SLC32A1: variants seen among roughly 807,000 people sequenced by gnomAD.
SLC32A1 encodes vesicular inhibitory amino acid transporter.
A neutral mutation model predicts 35.5 loss-of-function variants in SLC32A1; 8 were observed. The ratio of observed to expected loss-of-function variants is 0.23; its 90% CI spans 0.13 to 0.41. The LOEUF (loss-of-function observed/expected upper bound fraction) is 0.41. Ranked by LOEUF, SLC32A1 falls within the 10% of genes least tolerant of loss-of-function variation. The probability of loss-of-function intolerance (pLI) is 1.00; values close to 1 mark genes in which losing one functional copy is unlikely to be tolerated. For missense variants in SLC32A1, 493 were observed against 722.3 expected, an observed-to-expected ratio of 0.68 and a Z score of 3.64; for synonymous variants, 317 against 326.3, an observed-to-expected ratio of 0.97 and a Z score of 0.31.
rs558884894 is a variant in SLC32A1, at chr20:38,724,516, G to C, written c.-209G>C. The stretch of plus-strand genomic sequence containing the variant: ...ACTAGCCACCACCGCCGCCGCCGCC[G>C]CTCCGCCAGACCTGCTGCCAGCTTG... On this transcript the variant is annotated 5_prime_UTR_variant, in exon 1 of 2. Coordinates refer to ENST00000217420, the MANE Select transcript of SLC32A1 (RefSeq NM_080552.3). The C allele has an allele frequency of 1.6e-6, 1 of 610,642 alleles. No individual in the cohort carries two copies. The highest frequency in any genetic ancestry group is 3.3e-5 in the East Asian group (1 of 29,872). The allele number at this position is 610,642 out of a possible 1,614,324, so 37.8% of individuals were successfully genotyped here.
rs776361290 is a variant in SLC32A1, at chr20:38,728,106, G to A, written c.1045G>A (p.Val349Met). The change falls in exon 2 of 2, where the codon GTG becomes ATG. Residue 349 changes from valine (V) to methionine (M), a missense_variant. Transcript: ENST00000217420. ...MMNWTHIAAC[V>M]LKGLFALVAY... ...GAACTGGACGCACATCGCAGCCTGC[G>A]TGCTCAAGGGCCTCTTCGCGCTCGT... 2.5e-6 allele frequency: 4 copies of A among 1,613,954 alleles called. No homozygotes were observed. The highest frequency in any genetic ancestry group is 1.7e-5 in the Admixed American group (1 of 60,014).
At position 38,724,548 on chromosome 20, in the gene SLC32A1, C is replaced by A; in HGVS notation, c.-177C>A. The A allele has an allele frequency of 2.5e-6, 2 of 794,410 alleles. No individual in the cohort carries two copies. The highest frequency in any genetic ancestry group is 3.9e-6 in the Non-Finnish European group (2 of 519,000). The allele number at this position is 794,410 out of a possible 1,614,324, so 49.2% of individuals were successfully genotyped here. The stretch of plus-strand genomic sequence containing the variant: ...CAGACCTGCTGCCAGCTTGCCCGGT[C>A]CAGCCCTGAGAGAGCCTCGAACGCC... On this transcript the variant is annotated 5_prime_UTR_variant, in exon 1 of 2. Transcript: ENST00000217420.
Position 38,726,304 on chromosome 20 carries a change from A to G in SLC32A1, c.391-1148A>G, listed in dbSNP as rs2084275879. Among the ~76,000 whole-genome samples the G allele has an allele frequency of 6.6e-6, 1 of 151,950 alleles. No individual in the cohort carries two copies. Among genetic ancestry groups the G allele is most frequent in the African/African-American group, 2.4e-5 (1 of 41,370 alleles). ...CAGGGGTTGTTCCATGTATCGGGGT[A>G]AGCAGGACTCCACCGGGCCCCGAAC... On this transcript the variant is annotated intron_variant, in intron 1 of 1. Transcript: ENST00000217420. The surrounding 1 kb of genome is among the most constrained non-coding windows in gnomAD (Gnocchi z 4.7).
At position 38,728,872 on chromosome 20, in the gene SLC32A1, G is replaced by T. The variant is rs962063711; in HGVS notation, c.*233G>T. ...CTTTTCCACAACACCCTGGTTTTGG[G>T]GGGAGGCGGGGTGCATTTGCGGGCA... On this transcript the variant is annotated 3_prime_UTR_variant, in exon 2 of 2. Coordinates refer to ENST00000217420, the MANE Select transcript of SLC32A1 (RefSeq NM_080552.3). 6 of 524,748 alleles carry T rather than the reference G, an allele frequency of 1.1e-5. No individual in the cohort carries two copies. Among genetic ancestry groups the T allele is most frequent in the Non-Finnish European group, 2.0e-5 (6 of 301,712 alleles). 32.5% of individuals were successfully genotyped at this position (524,748 alleles called of 1,614,324 possible). A position where few individuals can be genotyped will look rare whatever the true frequency, so the allele number is the denominator to read the frequency against.
Position 38,725,087 on chromosome 20 carries a change from A to C in SLC32A1, c.363A>C (p.Ala121=). The change falls in exon 1 of 2, where the codon GCA becomes GCC. Residue 121 remains alanine, a synonymous_variant. Coordinates refer to ENST00000217420, the MANE Select transcript of SLC32A1 (RefSeq NM_080552.3). ...HDKPKITAWE[A]GWNVTNAIQG... ...AGCCCAAAATCACGGCGTGGGAGGC[A>C]GGCTGGAACGTGACCAACGCCATCC... 4.0e-6 allele frequency: 6 copies of C among 1,518,778 alleles called. No individual in the cohort carries two copies. The highest frequency in any genetic ancestry group is 5.3e-6 in the Non-Finnish European group (6 of 1,134,832). 94.1% of individuals were successfully genotyped at this position (1,518,778 alleles called of 1,614,324 possible).
Position 38,724,681 on chromosome 20 carries a change from C to T in SLC32A1, c.-44C>T. The T allele has an allele frequency of 6.5e-7, 1 of 1,541,384 alleles. No homozygotes were observed. The highest frequency in any genetic ancestry group is 8.7e-7 in the Non-Finnish European group (1 of 1,147,444). On this transcript the variant is annotated 5_prime_UTR_variant, in exon 1 of 2. Transcript: ENST00000217420. Reference sequence around the variant, plus strand: ...TCGCCTTCTTGCATCGCGTTCCCCGCATCCTCGGGTCCTTCTGTCCTTTCC... The same window carrying T: ...TCGCCTTCTTGCATCGCGTTCCCCGTATCCTCGGGTCCTTCTGTCCTTTCC...
intron 1 of SLC32A1, 51 bp from the exon 2 acceptor site, chr20:38,727,401 C>T (rs41311047): frequency 7.7e-5 from 119 of 1,554,404 alleles, no homozygotes; most frequent in East Asian, 1.1e-4. Flanking sequence ...GCCCCTCATC[C>T]GTTGCCAAGT....
chr20:38,725,706 A>T (rs977982581), intron 1 of SLC32A1, among the ~76,000 whole-genome samples: 4 of 152,156 alleles, frequency 2.6e-5, no homozygotes, highest in African/African-American at 7.2e-5. Flanking sequence ...CTACAGCTCC[A>T]CAAACAAAAG....
At position 38,725,688 on chromosome 20, in the gene SLC32A1, G is replaced by T. The variant is rs71351577; in HGVS notation, c.390+574G>T. Among the ~76,000 whole-genome samples, 506 of 152,122 alleles carry T rather than the reference G, an allele frequency of 3.3e-3. 5 individuals are homozygous for T. Among genetic ancestry groups the T allele is most frequent in the Non-Finnish European group, 3.8e-3 (258 of 68,004 alleles). On this transcript the variant is annotated intron_variant, in intron 1 of 1. Coordinates refer to ENST00000217420, the MANE Select transcript of SLC32A1 (RefSeq NM_080552.3). ...CAGTACTATCCCCAAATGCACCTGC[G>T]TACACCCCTACAGCTCCACAAACAA...
rs2145648056 is a variant in SLC32A1 at position 38,724,995 on chromosome 20, G to A, written c.271G>A (p.Ala91Thr). The A allele has an allele frequency of 6.3e-7, 1 of 1,584,086 alleles. No individual in the cohort carries two copies. Among genetic ancestry groups the A allele is most frequent in the Non-Finnish European group, 8.6e-7 (1 of 1,164,670 alleles). ...CATCCATTATCAGCGAGGCAGCGGA[G>A]CTCCTCTGCCGCCCTCCGGCTCCAA... ...GDIHYQRGSG[A>T]PLPPSGSKDQ... The change falls in exon 1 of 2, where the codon GCT (alanine) becomes ACT (threonine). Residue 91 changes from alanine to threonine, a missense_variant. Ala to Thr is a moderately conservative substitution (Grantham distance 58). Coordinates refer to ENST00000217420, the MANE Select transcript of SLC32A1 (RefSeq NM_080552.3).
chr20:38,727,341 A>G, intron 1 of SLC32A1, 111 bp from the exon 2 acceptor site: 2 of 1,022,756 alleles, frequency 2.0e-6, no homozygotes, highest in Non-Finnish European at 2.9e-6. Flanking sequence ...CCCAATTCTC[A>G]GTGTCCTTAG....
At chr20:38,725,253 C>T in intron 1 of SLC32A1, 139 bp downstream of exon 1, 1 of 1,138,466 alleles carries the variant, frequency 8.8e-7, no homozygotes, top group Non-Finnish European at 1.2e-6. Flanking sequence ...TCCATCCCTC[C>T]CAGCCCTGCG....
chr20:38,724,615 C>A lies in SLC32A1; in HGVS notation c.-110C>A. On this transcript the variant is annotated 5_prime_UTR_variant, in exon 1 of 2. Coordinates refer to ENST00000217420, the MANE Select transcript of SLC32A1 (RefSeq NM_080552.3). Reference sequence around the variant, plus strand: ...AGCCAGAGAGCCCCGGGGCGCCGCGCGGAGAGCAAGCGGAGATAGCGACTT... The same window carrying A: ...AGCCAGAGAGCCCCGGGGCGCCGCGAGGAGAGCAAGCGGAGATAGCGACTT... The A allele has an allele frequency of 2.9e-6, 4 of 1,361,010 alleles. No homozygotes were observed. Among genetic ancestry groups the A allele is most frequent in the Non-Finnish European group, 3.9e-6 (4 of 1,019,328 alleles). The allele number at this position is 1,361,010 out of a possible 1,614,324, so 84.3% of individuals were successfully genotyped here.
rs1730582123 is a variant in SLC32A1 at position 38,724,961 on chromosome 20, C to T, written c.237C>T (p.Val79=). The T allele has an allele frequency of 6.2e-7, 1 of 1,604,640 alleles. No homozygotes were observed. Among genetic ancestry groups the T allele is most frequent in the Non-Finnish European group, 8.5e-7 (1 of 1,175,232 alleles). The stretch of plus-strand genomic sequence containing the variant: ...GGGACGAGGGCGCTGAAGCGCCCGT[C>T]GAGGGAGACATCCATTATCAGCGAG... ...PCGDEGAEAP[V]EGDIHYQRGS... Residue 79 remains valine, a synonymous_variant, in exon 1 of 2, where the codon GTC becomes GTT. Transcript: ENST00000217420.
chr20:38,728,015 G>A lies in SLC32A1; in HGVS notation c.954G>A (p.Thr318=). 1 of 1,614,086 alleles carries A rather than the reference G, an allele frequency of 6.2e-7. No homozygotes were observed. Among genetic ancestry groups the A allele is most frequent in the Non-Finnish European group, 8.5e-7 (1 of 1,180,050 alleles). The stretch of plus-strand genomic sequence containing the variant: ...TTGGCATCATCGTGTTCAGCTACAC[G>A]TCTCAGATCTTCCTGCCTTCGCTGG... The part of the protein sequence containing the change: ...ISIGIIVFSY[T]SQIFLPSLEG... Residue 318 remains threonine, a synonymous_variant, in exon 2 of 2, where the codon ACG becomes ACA. Coordinates refer to ENST00000217420, the MANE Select transcript of SLC32A1 (RefSeq NM_080552.3).
Position 38,728,572 on chromosome 20 carries a change from G to C in SLC32A1, c.1511G>C (p.Ser504Thr). The C allele has an allele frequency of 6.2e-7, 1 of 1,613,026 alleles. No individual in the cohort carries two copies. Among genetic ancestry groups the C allele is most frequent in the South Asian group, 1.1e-5 (1 of 91,018 alleles). Residue 504 changes from serine (S) to threonine (T), a missense_variant, in exon 2 of 2, where the codon AGC (serine) becomes ACC (threonine). By Grantham distance (58) the Ser-to-Thr change is moderately conservative. Around this residue, in one of 4 missense-constraint regions of SLC32A1, gnomAD observed 269 missense variants for 445.6 expected, o/e 0.60. Transcript: ENST00000217420. ...ATCTTCGTCATCGGCGGCATCTGCAGCGTGTCCGGCTTCGTGCACTCCCTC... is the reference window on the plus strand; with the variant it reads ...ATCTTCGTCATCGGCGGCATCTGCACCGTGTCCGGCTTCGTGCACTCCCTC... ...VAIFVIGGIC[S>T]VSGFVHSLEG...
chr20:38,725,221 T>G, intron 1 of SLC32A1, 107 bp downstream of exon 1: 1 of 1,353,548 alleles, frequency 7.4e-7, no homozygotes, highest in African/African-American at 1.5e-5. Flanking sequence ...GACCCCCTCC[T>G]GTACCCAGGA....
rs1051897820 is a variant in SLC32A1 at position 38,727,591 on chromosome 20, G to C, written c.530G>C (p.Gly177Ala). 1.2e-6 allele frequency: 2 copies of C among 1,612,046 alleles called. No individual in the cohort carries two copies. The highest frequency in any genetic ancestry group is 1.7e-6 in the Non-Finnish European group (2 of 1,180,038). The change falls in exon 2 of 2, where the codon GGC becomes GCC. Residue 177 changes from glycine (G) to alanine (A), a missense_variant. Coordinates refer to ENST00000217420, the MANE Select transcript of SLC32A1 (RefSeq NM_080552.3). ...TGCCTGTACGAGGAGAATGAAGACG[G>C]CGAGGTGGTGCGCGTGCGGGACTCG... ...IACLYEENED[G>A]EVVRVRDSYV...
At position 38,725,123 on chromosome 20, in the gene SLC32A1, G is replaced by A. The variant is rs765438282; in HGVS notation, c.390+9G>A. 2.0e-6 allele frequency: 3 copies of A among 1,507,050 alleles called. No homozygotes were observed. The highest frequency in any genetic ancestry group is 2.7e-6 in the Non-Finnish European group (3 of 1,128,312). 93.4% of individuals were successfully genotyped at this position (1,507,050 alleles called of 1,614,324 possible). On this transcript the variant is annotated intron_variant, in intron 1 of 1. Coordinates refer to ENST00000217420, the MANE Select transcript of SLC32A1 (RefSeq NM_080552.3). ...TGACCAACGCCATCCAGGTAAGCGC[G>A]GGATTCCCAGTTCTGCCTGTCCTCC... is the stretch of plus-strand genomic sequence containing the variant.
Sources: gnomAD v4.1 joint callset for allele counts (sites outside exome capture counted in the v4.1 genomes callset) on GRCh38, gnomAD v4.1.1 for gene constraint, gnomAD v4.1.1 regional missense constraint, Gnocchi (gnomAD v3.1) non-coding constraint, MANE v1.5 for transcripts, NCBI Gene and HGNC (gene_info 2026-07-23, HGNC 2026-07-21) for gene names.